Variants in ZNF385B observed in about 807,000 individuals in gnomAD.
ZNF385B encodes zinc finger protein 533.
A neutral mutation model predicts 39.2 loss-of-function variants in ZNF385B; 23 were observed. The ratio of observed to expected loss-of-function variants is 0.59; its 90% CI spans 0.42 to 0.83. ZNF385B has a LOEUF of 0.83. Among genes scored for constraint, ZNF385B ranks in the 40% least tolerant of loss-of-function variants. The pLI, the probability that ZNF385B is intolerant of heterozygous loss-of-function variation, is 0.00. For synonymous variants in ZNF385B, 205 were observed against 222.6 expected (o/e 0.92, Z 0.70); for missense variants, 552 against 598.9 (o/e 0.92, Z 0.82).
intron 5 of ZNF385B, among the ~76,000 whole-genome samples, chr2:179,493,079 C>T (rs1329571401): frequency 2.0e-5 from 3 of 152,034 alleles, no homozygotes; most frequent in Non-Finnish European, 4.4e-5. Flanking sequence ...TGGGTTTCCA[C>T]TTTCTGATTC....
At chr2:179,686,445 G>A (rs1217891895) in intron 3 of ZNF385B, among the ~76,000 whole-genome samples, 3 of 152,150 alleles carry the variant, frequency 2.0e-5, no homozygotes, top group African/African-American at 2.4e-5. Context: ...GGAAAGGGGA[G>A]GATTTACATT....
chr2:179,792,615 T>G (rs561213083), intron 1 of ZNF385B, among the ~76,000 whole-genome samples: 2 of 122,626 alleles, frequency 1.6e-5, no homozygotes. Context: ...CCTCAGGTGA[T>G]CCACCTGCCT....
intron 3 of ZNF385B, among the ~76,000 whole-genome samples, chr2:179,722,165 T>C (rs1432315570): frequency 6.6e-6 from 1 of 152,114 alleles, no homozygotes; most frequent in Non-Finnish European, 1.5e-5. Context: ...GTGAGCCATT[T>C]TTGAAGAAAG....
intron 3 of ZNF385B, among the ~76,000 whole-genome samples, chr2:179,602,033 A>G (rs1213006473): frequency 1.3e-5 from 2 of 152,220 alleles, no homozygotes; most frequent in Non-Finnish European, 2.9e-5. Context: ...AAATGTATAT[A>G]AAGTCTATGG....
At chr2:179,486,803 CT>C (rs1421374285) in intron 5 of ZNF385B, among the ~76,000 whole-genome samples, 2 of 152,102 alleles carry the variant, frequency 1.3e-5, no homozygotes, top group Admixed American at 1.3e-4. Flanking sequence ...GTAGTCCCAA[CT>C]TCTTGTGGGG....
At chr2:179,761,180 T>C (rs1575441413) in intron 3 of ZNF385B, among the ~76,000 whole-genome samples, 1 of 152,120 alleles carries the variant, frequency 6.6e-6, no homozygotes, top group Non-Finnish European at 1.5e-5. Context: ...GATCCCTCCT[T>C]TTTTCTTCTT....
intron 6 of ZNF385B, among the ~76,000 whole-genome samples, chr2:179,449,985 A>C (rs1035995256): frequency 1.3e-5 from 2 of 152,150 alleles, no homozygotes; most frequent in Non-Finnish European, 2.9e-5. Context: ...AAACCTGACA[A>C]AAACAAGAAA....
chr2:179,636,243 A>G lies in ZNF385B; in HGVS notation c.299-91274T>C, dbSNP rs79053289. On this transcript the variant is annotated intron_variant, in intron 3 of 9. Coordinates refer to ENST00000410066, the MANE Select transcript of ZNF385B (RefSeq NM_152520.6). ...ACATACTTCTAGGACTGGGTGCTGT[A>G]GAGTACATTCATAATACAACATAGC... is the stretch of plus-strand genomic sequence containing the variant. Among the ~76,000 whole-genome samples the G allele has an allele frequency of 5.9e-3, 901 of 152,316 alleles. 8 individuals carry two copies. Among genetic ancestry groups the G allele is most frequent in the African/African-American group, 0.02 (821 of 41,562 alleles).
At chr2:179,830,087 G>A (rs1225027843) in intron 1 of ZNF385B, among the ~76,000 whole-genome samples, 1 of 152,258 alleles carries the variant, frequency 6.6e-6, no homozygotes, top group Non-Finnish European at 1.5e-5. Flanking sequence ...AAGAAGATAT[G>A]CAGATGATAG....
At chr2:179,750,514 T>G (rs1702609817) in intron 3 of ZNF385B, among the ~76,000 whole-genome samples, 1 of 152,116 alleles carries the variant, frequency 6.6e-6, no homozygotes, top group Non-Finnish European at 1.5e-5. Context: ...GAGAGACAAT[T>G]CCTGAGTGCT....
intron 3 of ZNF385B, among the ~76,000 whole-genome samples, chr2:179,548,587 A>C (rs942039950): frequency 6.7e-6 from 1 of 149,512 alleles, no homozygotes; most frequent in Non-Finnish European, 1.5e-5. Flanking sequence ...TTTATAAAGA[A>C]AAAGAGGTTT....
At position 179,792,370 on chromosome 2, in the gene ZNF385B, C is replaced by CTTTTTTTTTTTTT. The variant is rs1346808450; in HGVS notation, c.-154-21699_-154-21698insAAAAAAAAAAAAA. The stretch of plus-strand genomic sequence containing the variant: ...CTGAAGAAGTAGGCCATTTCATTTT[C>CTTTTTTTTTTTTT]TTTTCTTTTTTTTTTTTTTTTGAGA... On this transcript the variant is annotated intron_variant, in intron 1 of 9. Transcript: ENST00000410066. 8.6e-3 allele frequency among the ~76,000 whole-genome samples: 602 copies of CTTTTTTTTTTTTT among 70,326 alleles called. 40 individuals are homozygous for CTTTTTTTTTTTTT. Among genetic ancestry groups the CTTTTTTTTTTTTT allele is most frequent in the Non-Finnish European group, 0.012 (422 of 36,484 alleles). The allele number at this position is 70,326 out of a possible 152,430, so 46.1% of individuals were successfully genotyped here. A position where few individuals can be genotyped will look rare whatever the true frequency, so the allele number is the denominator to read the frequency against.
chr2:179,800,119 A>G (rs1475903068), intron 1 of ZNF385B, among the ~76,000 whole-genome samples: 2 of 152,106 alleles, frequency 1.3e-5, no homozygotes, highest in Admixed American at 1.3e-4. Context: ...TCTTCAGATA[A>G]AAACCCATTT....
At chr2:179,766,378 C>T (rs995442681) in intron 3 of ZNF385B, among the ~76,000 whole-genome samples, 13 of 152,102 alleles carry the variant, frequency 8.5e-5, no homozygotes, top group African/African-American at 2.7e-4. Flanking sequence ...ATTTTCTTCC[C>T]TGTGTTTGTT....
At chr2:179,726,302 G>A (rs567474531) in intron 3 of ZNF385B, among the ~76,000 whole-genome samples, 1 of 152,028 alleles carries the variant, frequency 6.6e-6, no homozygotes, top group East Asian at 1.9e-4. Flanking sequence ...CTTAATGCAT[G>A]TCTTGCACCT....
intron 1 of ZNF385B, among the ~76,000 whole-genome samples, chr2:179,790,879 G>A (rs1186252945): frequency 1.3e-5 from 2 of 152,114 alleles, no homozygotes; most frequent in African/African-American, 2.4e-5. Context: ...TTTGTTATTT[G>A]CTTTTCTTAG....
At chr2:179,608,361 T>C (rs147835235) in intron 3 of ZNF385B, among the ~76,000 whole-genome samples, 2 of 152,298 alleles carry the variant, frequency 1.3e-5, no homozygotes, top group Admixed American at 6.5e-5. Context: ...GAAAGCAGGA[T>C]TCAGGAGAAA....
chr2:179,752,553 A>G (rs964719467), intron 3 of ZNF385B, among the ~76,000 whole-genome samples: 6 of 152,218 alleles, frequency 3.9e-5, no homozygotes, highest in African/African-American at 1.4e-4. Flanking sequence ...TCCCACCAAC[A>G]GTGTAAAAGT....
At chr2:179,734,457 C>T (rs2367800) in intron 3 of ZNF385B, among the ~76,000 whole-genome samples, 11,876 of 152,212 alleles carry the variant, frequency 0.078, 581 homozygotes, top group Non-Finnish European at 0.11. Context: ...TGCTACCATA[C>T]GGTTTGATCT....
Sources: gnomAD v4.1 joint callset for allele counts (sites outside exome capture counted in the v4.1 genomes callset) on GRCh38, gnomAD v4.1.1 for gene constraint, MANE v1.5 for transcripts, NCBI Gene and HGNC (gene_info 2026-07-23, HGNC 2026-07-21) for gene names.